The following DOP1B variants were observed in gnomAD, a reference collection of about 807,000 sequenced individuals.
DOP1B encodes the protein DOP1 leucine zipper like protein B, also known as protein DOP1B.
A neutral mutation model predicts 233.5 loss-of-function variants in DOP1B; 174 were observed. The observed-to-expected ratio is 0.75, with a 90% CI of 0.66 to 0.85. The LOEUF (loss-of-function observed/expected upper bound fraction) is 0.85. Ranked by LOEUF, DOP1B falls within the 40% of genes least tolerant of loss-of-function variation. The pLI is 0.00. For synonymous variants in DOP1B, 1,190 were observed against 1,185.6 expected (o/e 1.00, Z -0.08); for missense variants, 2,652 against 2,846.6 (o/e 0.93, Z 1.56).
At position 36,253,753 on chromosome 21, in the gene DOP1B, C is replaced by CTT; in HGVS notation, c.5122-10_5122-9dup. ...TTTCTCTCTATAAGCTTTCAAGGAACTTTTTTTTTTCTTGGCAGATTATCC... is the reference window on the plus strand; with the variant it reads ...TTTCTCTCTATAAGCTTTCAAGGAACTTTTTTTTTTTTCTTGGCAGATTATCC... On this transcript the variant is annotated intron_variant, in intron 22 of 36. Transcript: ENST00000691173. 6 of 1,474,532 alleles carry CTT rather than the reference C, an allele frequency of 4.1e-6. No individual in the cohort carries two copies. Among genetic ancestry groups the CTT allele is most frequent in the Admixed American group, 1.8e-5 (1 of 54,976 alleles). The allele number at this position is 1,474,532 out of a possible 1,614,324, so 91.3% of individuals were successfully genotyped here. A position where few individuals can be genotyped will look rare whatever the true frequency, so the allele number is the denominator to read the frequency against.
At chr21:36,225,688 A>G (rs1165832740) in intron 12 of DOP1B, 21 bp downstream of exon 12, 3 of 1,611,922 alleles carry the variant, frequency 1.9e-6, no homozygotes, top group South Asian at 2.2e-5. Flanking sequence ...GGGAAGGGAC[A>G]TCTCAACGCC....
At chr21:36,180,632 G>A (rs2066086968) in intron 2 of DOP1B, among the ~76,000 whole-genome samples, 1 of 151,828 alleles carries the variant, frequency 6.6e-6, no homozygotes, top group Admixed American at 6.6e-5. Flanking sequence ...TGTAATCCCA[G>A]CATACTGGGA....
chr21:36,278,670 C>T (rs1419423287), intron 30 of DOP1B, among the ~76,000 whole-genome samples: 2 of 152,122 alleles, frequency 1.3e-5, no homozygotes, highest in East Asian at 3.9e-4. Flanking sequence ...GAGTTCGAGA[C>T]CAGCCTGGCC....
intron 2 of DOP1B, among the ~76,000 whole-genome samples, chr21:36,168,609 C>T (rs1169710482): frequency 3.9e-5 from 6 of 152,090 alleles, no homozygotes; most frequent in Non-Finnish European, 8.8e-5. Context: ...CTCCTGCAAC[C>T]TCCACCTCCT....
At chr21:36,252,856 A>G (rs1030122106) in intron 22 of DOP1B, among the ~76,000 whole-genome samples, 4 of 152,172 alleles carry the variant, frequency 2.6e-5, no homozygotes, top group South Asian at 2.1e-4. Context: ...GTCCATGATG[A>G]AGTCCTGCAG....
At chr21:36,234,051 A>G (rs1243711597) in intron 15 of DOP1B, among the ~76,000 whole-genome samples, 1 of 151,960 alleles carries the variant, frequency 6.6e-6, no homozygotes, top group African/African-American at 2.4e-5. Context: ...ATGGGGTTTT[A>G]CCGCATTGGC....
At chr21:36,200,930 G>A (rs2066357560) in intron 4 of DOP1B, among the ~76,000 whole-genome samples, 1 of 151,924 alleles carries the variant, frequency 6.6e-6, no homozygotes, top group Non-Finnish European at 1.5e-5. Context: ...ACATTTCCTT[G>A]GTGGTTGTGA....
chr21:36,197,988 C>T (rs1379151083), intron 2 of DOP1B, among the ~76,000 whole-genome samples: 1 of 149,318 alleles, frequency 6.7e-6, no homozygotes, highest in Non-Finnish European at 1.5e-5. Context: ...CCATTGCACT[C>T]CGGCCTGGGC....
chr21:36,224,368 C>T, intron 11 of DOP1B, among the ~76,000 whole-genome samples: 1 of 152,002 alleles, frequency 6.6e-6, no homozygotes, highest in East Asian at 1.9e-4. Context: ...TTAGTAGAGA[C>T]AGGGTTTCAC....
chr21:36,183,988 C>T (rs112783657), intron 2 of DOP1B, among the ~76,000 whole-genome samples: 2,427 of 152,060 alleles, frequency 0.016, 28 homozygotes, highest in Non-Finnish European at 0.025. Context: ...CTCAGCTTCC[C>T]GAGTAGCTGG....
chr21:36,251,296 A>G lies in DOP1B; in HGVS notation c.5121+12A>G. 6.2e-7 allele frequency: 1 copy of G among 1,608,754 alleles called. No homozygotes were observed. Among genetic ancestry groups the G allele is most frequent in the Non-Finnish European group, 8.5e-7 (1 of 1,178,624 alleles). On this transcript the variant is annotated intron_variant, in intron 22 of 36. Coordinates refer to ENST00000691173, the MANE Select transcript of DOP1B (RefSeq NM_001320714.2). ...ACAGTAAGATGAAGGTAAAGTTTAA[A>G]AAGTTACAGGAGTGGTTAAACTTAC...
chr21:36,281,632 T>C, intron 32 of DOP1B, 21 bp downstream of exon 32: 1 of 1,538,942 alleles, frequency 6.5e-7, no homozygotes, highest in South Asian at 1.2e-5. Context: ...TGTCTTAGTC[T>C]GTTTTTTGCT....
Position 36,245,027 on chromosome 21 carries a change from T to C in DOP1B, c.3068-21T>C. 2 of 1,577,448 alleles carry C rather than the reference T, an allele frequency of 1.3e-6. No individual in the cohort carries two copies. Among genetic ancestry groups the C allele is most frequent in the Non-Finnish European group, 1.7e-6 (2 of 1,155,858 alleles). The stretch of plus-strand genomic sequence containing the variant: ...AGCTGACCCTTCTGTCTAAAGTCAT[T>C]TGTCATCTTGTAATTTTCAGATGAC... On this transcript the variant is annotated intron_variant, in intron 18 of 36. Transcript: ENST00000691173. The surrounding 1 kb of genome is among the most constrained non-coding windows in gnomAD (Gnocchi z 5.5).
chr21:36,189,547 T>C (rs2066206568), intron 2 of DOP1B, among the ~76,000 whole-genome samples: 1 of 151,074 alleles, frequency 6.6e-6, no homozygotes, highest in Non-Finnish European at 1.5e-5. Context: ...GCCTGGCCAA[T>C]ATGGTGAAAC....
chr21:36,208,235 A>G (rs1305069656), intron 4 of DOP1B, among the ~76,000 whole-genome samples: 3 of 152,182 alleles, frequency 2.0e-5, no homozygotes, highest in Non-Finnish European at 4.4e-5. Context: ...CACTTGGCAC[A>G]TTTTTGGCTG....
chr21:36,247,942 T>G (rs2239571), intron 20 of DOP1B, among the ~76,000 whole-genome samples: 24,135 of 152,292 alleles, frequency 0.16, 1,974 homozygotes, highest in South Asian at 0.26. Flanking sequence ...GCCAGCCCTT[T>G]GCCCATTGTT....
chr21:36,237,125 C>T (rs1317391899), intron 15 of DOP1B, 137 bp from the exon 16 acceptor site: 3 of 1,221,366 alleles, frequency 2.5e-6, no homozygotes, highest in Non-Finnish European at 3.5e-6. Flanking sequence ...TGATTTGTCT[C>T]TGAGCATGGA....
intron 23 of DOP1B, among the ~76,000 whole-genome samples, chr21:36,259,240 C>G (rs1454585807): frequency 3.3e-5 from 5 of 149,944 alleles, no homozygotes; most frequent in Non-Finnish European, 7.4e-5. Context: ...GCTGGGATTA[C>G]AGGCGTGAGC....
intron 23 of DOP1B, among the ~76,000 whole-genome samples, chr21:36,259,366 G>A (rs1601458730): frequency 1.3e-5 from 2 of 151,868 alleles, no homozygotes; most frequent in Admixed American, 6.6e-5. Context: ...TGCCTCCTGG[G>A]TTCAAGCAAT....
Sources: allele counts gnomAD v4.1 joint callset (sites outside exome capture counted in the v4.1 genomes callset), GRCh38; gene constraint gnomAD v4.1.1; non-coding constraint Gnocchi (gnomAD v3.1); transcripts MANE v1.5; gene names NCBI Gene and HGNC (gene_info 2026-07-23, HGNC 2026-07-21).